MOB3B: variants seen among roughly 807,000 people sequenced by gnomAD.
MOB3B encodes MOB kinase activator-like 2B.
In MOB3B, 7 loss-of-function variants were observed where a neutral mutation model predicts 18.7. The ratio of observed to expected loss-of-function variants is 0.37; its 90% CI spans 0.21 to 0.70. The LOEUF (loss-of-function observed/expected upper bound fraction) is 0.70, where lower values mean the gene tolerates loss of function less well. MOB3B is among the 30% of genes least tolerant of loss of function. The pLI is 0.52. For synonymous variants in MOB3B, 111 were observed against 99.9 expected (o/e 1.11, Z -0.66); for missense variants, 253 against 281.3 (o/e 0.90, Z 0.72).
Position 27,435,754 on chromosome 9 carries a change from C to T in MOB3B, c.418+19379G>A, listed in dbSNP as rs141198280. ...AGCTGAAATTACAGGCACCCACTAC[C>T]GTGCCCAGCTAATTTTTGTATTTTT... is the stretch of plus-strand genomic sequence containing the variant. On this transcript the variant is annotated intron_variant, in intron 2 of 3. Coordinates refer to ENST00000262244, the MANE Select transcript of MOB3B (RefSeq NM_024761.5). 3.6e-3 allele frequency among the ~76,000 whole-genome samples: 551 copies of T among 152,266 alleles called. 2 individuals are homozygous for T. The highest frequency in any genetic ancestry group is 0.012 in the African/African-American group (512 of 41,556).
intron 2 of MOB3B, chr9:27,378,589 GTTC>G: frequency 2.1e-6 from 1 of 471,090 alleles, no homozygotes; most frequent in Non-Finnish European, 4.4e-6. Flanking sequence ...GCCAGTCTGT[GTTC>G]TTCTTCCCCC....
intron 1 of MOB3B, chr9:27,524,256 G>C: frequency 7.1e-7 from 1 of 1,412,682 alleles, no homozygotes; most frequent in Non-Finnish European, 9.6e-7. Flanking sequence ...AAGATATTCA[G>C]GTATATAAAG....
At chr9:27,477,084 T>G (rs1819564353) in intron 1 of MOB3B, among the ~76,000 whole-genome samples, 1 of 152,196 alleles carries the variant, frequency 6.6e-6, no homozygotes, top group African/African-American at 2.4e-5. Context: ...TCCCTCATAG[T>G]CAGACAGGGC....
intron 2 of MOB3B, among the ~76,000 whole-genome samples, chr9:27,417,794 G>A (rs149053350): frequency 6.6e-6 from 1 of 152,254 alleles, no homozygotes; most frequent in African/African-American, 2.4e-5. Flanking sequence ...CGGGTGCGGT[G>A]GCTCACGCCT....
chr9:27,452,297 C>A (rs1354540320), intron 2 of MOB3B, among the ~76,000 whole-genome samples: 1 of 152,128 alleles, frequency 6.6e-6, no homozygotes, highest in Non-Finnish European at 1.5e-5. Flanking sequence ...AGACATATTG[C>A]ATAATTTAAA....
intron 1 of MOB3B, among the ~76,000 whole-genome samples, chr9:27,504,290 G>A (rs1820028065): frequency 6.6e-6 from 1 of 152,214 alleles, no homozygotes; most frequent in Non-Finnish European, 1.5e-5. Flanking sequence ...TTTAAAAGAT[G>A]CAGTCCTCAT....
intron 1 of MOB3B, among the ~76,000 whole-genome samples, chr9:27,473,412 G>A (rs550675269): frequency 6.2e-4 from 95 of 152,098 alleles, no homozygotes; most frequent in Non-Finnish European, 1.2e-3. Flanking sequence ...GCTCACAGGA[G>A]GGCACAGGCA....
intron 1 of MOB3B, among the ~76,000 whole-genome samples, chr9:27,516,284 C>T (rs1312508099): frequency 1.3e-5 from 2 of 152,126 alleles, no homozygotes; most frequent in Non-Finnish European, 2.9e-5. Flanking sequence ...GAATACATCC[C>T]AAAACTCCTA....
At chr9:27,528,464 T>C (rs894618466) in intron 1 of MOB3B, among the ~76,000 whole-genome samples, 4 of 152,228 alleles carry the variant, frequency 2.6e-5, no homozygotes, top group African/African-American at 9.6e-5. Flanking sequence ...AAATGCGCCC[T>C]GGGCCACAGG....
intron 2 of MOB3B, among the ~76,000 whole-genome samples, chr9:27,446,245 T>A (rs1490268628): frequency 3.3e-5 from 5 of 152,100 alleles, no homozygotes; most frequent in Admixed American, 1.3e-4. Flanking sequence ...TCTTTTTTTT[T>A]AATATGAACT....
chr9:27,391,544 C>T (rs1000717318), intron 2 of MOB3B, among the ~76,000 whole-genome samples: 2 of 152,170 alleles, frequency 1.3e-5, no homozygotes, highest in Non-Finnish European at 2.9e-5. Flanking sequence ...CCATAGACAT[C>T]AATTATTAAA....
intron 2 of MOB3B, among the ~76,000 whole-genome samples, chr9:27,409,042 T>A (rs1289017776): frequency 3.3e-5 from 5 of 152,212 alleles, no homozygotes; most frequent in Non-Finnish European, 7.3e-5. Context: ...TTGCATATAA[T>A]CCTCACACAA....
In MOB3B at chr9:27,326,208, A is replaced by G. The variant is rs1034917985; in HGVS notation, c.*4379T>C. ...GTTCACTGCTGGTCACAGCCATAAC[A>G]GAGAGTGATGTGGAGAGCTTTGGGA... On this transcript the variant is annotated 3_prime_UTR_variant, in exon 4 of 4. Transcript: ENST00000262244. 7 of 361,628 alleles carry G rather than the reference A, an allele frequency of 1.9e-5. No individual in the cohort carries two copies. Among genetic ancestry groups the G allele is most frequent in the African/African-American group, 1.3e-4 (6 of 47,950 alleles). The allele number at this position is 361,628 out of a possible 1,614,324, so 22.4% of individuals were successfully genotyped here.
At chr9:27,338,458 G>C (rs540630110) in intron 3 of MOB3B, among the ~76,000 whole-genome samples, 8 of 152,298 alleles carry the variant, frequency 5.3e-5, no homozygotes, top group Admixed American at 5.2e-4. Flanking sequence ...TCCTTCAGAC[G>C]GGGGTGCAGT....
At chr9:27,469,823 C>T (rs927554185) in intron 1 of MOB3B, among the ~76,000 whole-genome samples, 3 of 152,034 alleles carry the variant, frequency 2.0e-5, no homozygotes, top group Admixed American at 1.3e-4. Flanking sequence ...TGGTAGCTGA[C>T]ACCTAGAATT....
chr9:27,328,428 G>C lies in MOB3B; in HGVS notation c.*2159C>G, dbSNP rs541239218. 3.9e-4 allele frequency: 59 copies of C among 151,268 alleles called. No individual in the cohort carries two copies. The highest frequency in any genetic ancestry group is 1.4e-3 in the African/African-American group (58 of 41,270). The allele number at this position is 151,268 out of a possible 1,614,324, so 9.4% of individuals were successfully genotyped here. On this transcript the variant is annotated 3_prime_UTR_variant, in exon 4 of 4. Coordinates refer to ENST00000262244, the MANE Select transcript of MOB3B (RefSeq NM_024761.5). The stretch of plus-strand genomic sequence containing the variant: ...GGGTAGTTTGCCAGAATTTACCCTA[G>C]AAGAGTTCATTAGTGCAATTAACAA...
chr9:27,506,766 G>A (rs549201507), intron 1 of MOB3B, among the ~76,000 whole-genome samples: 24 of 150,886 alleles, frequency 1.6e-4, no homozygotes, highest in East Asian at 2.0e-4. Context: ...TCCTGACCTC[G>A]TGATCCGCCA....
chr9:27,501,707 C>T (rs1371828225), intron 1 of MOB3B, among the ~76,000 whole-genome samples: 1 of 149,716 alleles, frequency 6.7e-6, no homozygotes, highest in Non-Finnish European at 1.5e-5. Context: ...GTGTAGGTTG[C>T]AGTGAGCCAA....
intron 2 of MOB3B, among the ~76,000 whole-genome samples, chr9:27,387,600 C>A (rs764460132): frequency 3.0e-4 from 45 of 152,150 alleles, no homozygotes; most frequent in African/African-American, 2.7e-4. Context: ...TTATCATTAT[C>A]ATAATTACCA....
Sources: gnomAD v4.1 joint callset for allele counts (sites outside exome capture counted in the v4.1 genomes callset) on GRCh38, gnomAD v4.1.1 for gene constraint, MANE v1.5 for transcripts, NCBI Gene and HGNC (gene_info 2026-07-23, HGNC 2026-07-21) for gene names.